The following TP63 variants were observed in gnomAD, a reference collection of about 807,000 sequenced individuals.
TP63 encodes the protein tumor protein 63.
In TP63, 17 loss-of-function variants were observed where a neutral mutation model predicts 82.8. That is an observed-to-expected ratio of 0.21 (90% CI 0.14 to 0.31). The LOEUF (loss-of-function observed/expected upper bound fraction) is 0.31. Ranked by LOEUF, TP63 falls within the 10% of genes least tolerant of loss-of-function variation. The pLI, the probability that TP63 is intolerant of heterozygous loss-of-function variation, is 1.00. For synonymous variants in TP63, 330 were observed against 321.7 expected (o/e 1.03, Z -0.28); for missense variants, 648 against 895.3 (o/e 0.72, Z 3.52).
the TP63 span, among the ~76,000 whole-genome samples, chr3:189,610,790 A>T: frequency 1.3e-5 from 2 of 152,176 alleles, no homozygotes; most frequent in South Asian, 4.1e-4. Context: ...ATAAAGACAT[A>T]CCCTAGGCTG....
chr3:189,854,706 A>G (rs1378904650), intron 4 of TP63, among the ~76,000 whole-genome samples: 5 of 152,254 alleles, frequency 3.3e-5, no homozygotes, highest in African/African-American at 9.6e-5. Context: ...AGCTGTGGCT[A>G]TATCTTGCTA....
intron 1 of TP63, among the ~76,000 whole-genome samples, chr3:189,724,343 A>G (rs892338713): frequency 6.6e-6 from 1 of 152,114 alleles, no homozygotes; most frequent in Admixed American, 6.5e-5. Context: ...ATTTATTTTC[A>G]TAGGTTATTG....
chr3:189,738,538 G>C, intron 2 of TP63, 104 bp from the exon 3 acceptor site: 1 of 1,549,280 alleles, frequency 6.5e-7, no homozygotes, highest in Middle Eastern at 1.7e-4. Context: ...AAACCAATGA[G>C]CCTTGCTGAC....
chr3:189,831,131 G>A (rs1712268872), intron 4 of TP63, among the ~76,000 whole-genome samples: 1 of 152,140 alleles, frequency 6.6e-6, no homozygotes, highest in Non-Finnish European at 1.5e-5. Flanking sequence ...AACCCATAGG[G>A]GTTCAGAGTC....
chr3:189,880,354 A>G, intron 10 of TP63: 3 of 1,266,742 alleles, frequency 2.4e-6, no homozygotes, highest in Non-Finnish European at 2.0e-6. Flanking sequence ...AATCTTTTGA[A>G]GGGACTCAAA....
At chr3:189,722,084 A>C (rs967242629) in intron 1 of TP63, among the ~76,000 whole-genome samples, 1 of 152,160 alleles carries the variant, frequency 6.6e-6, no homozygotes, top group Non-Finnish European at 1.5e-5. Flanking sequence ...TTAAGAGGAG[A>C]GTAGGAAAGG....
intron 1 of TP63, among the ~76,000 whole-genome samples, chr3:189,684,739 T>G (rs766329149): frequency 2.0e-5 from 3 of 151,618 alleles, no homozygotes; most frequent in Non-Finnish European, 4.4e-5. Context: ...CAAGCGATTC[T>G]CATGCCTCAG....
intron 1 of TP63, among the ~76,000 whole-genome samples, chr3:189,701,242 T>G (rs1002590405): frequency 6.6e-6 from 1 of 152,046 alleles, no homozygotes; most frequent in Non-Finnish European, 1.5e-5. Flanking sequence ...CAGTACGTGC[T>G]CCTCAAGAAT....
At chr3:189,864,541 C>CTTTTTT (rs10714778) in intron 5 of TP63, 123 bp downstream of exon 5, 6 of 215,482 alleles carry the variant, frequency 2.8e-5, no homozygotes, top group Non-Finnish European at 4.6e-5. Flanking sequence ...ATCAGTCTGC[C>CTTTTTT]TTTTTTTTTT....
chr3:189,680,857 G>A (rs549011566), intron 1 of TP63, among the ~76,000 whole-genome samples: 103 of 152,260 alleles, frequency 6.8e-4, no homozygotes, highest in Non-Finnish European at 1.1e-3. Context: ...GTTTACATTA[G>A]CTAGCCTGAT....
chr3:189,697,747 G>A (rs1162283905), intron 1 of TP63, among the ~76,000 whole-genome samples: 2 of 151,794 alleles, frequency 1.3e-5, no homozygotes, highest in Non-Finnish European at 2.9e-5. Flanking sequence ...ATACTTTTCT[G>A]CATATAGATC....
intron 1 of TP63, among the ~76,000 whole-genome samples, chr3:189,670,267 A>G (rs980686621): frequency 2.0e-5 from 3 of 152,062 alleles, no homozygotes; most frequent in African/African-American, 7.2e-5. Context: ...TGATAGAAAA[A>G]TTGAGTTCAG....
chr3:189,815,698 T>C (rs570465269), intron 4 of TP63, among the ~76,000 whole-genome samples: 1 of 152,204 alleles, frequency 6.6e-6, no homozygotes, highest in Admixed American at 6.5e-5. Flanking sequence ...GTGTTAATGG[T>C]AACAAGGGGA....
At chr3:189,779,655 G>A (rs1337354149) in intron 3 of TP63, among the ~76,000 whole-genome samples, 4 of 152,314 alleles carry the variant, frequency 2.6e-5, no homozygotes, top group African/African-American at 9.6e-5. Context: ...TAGCACAGGG[G>A]AGCATGAAGT....
At chr3:189,877,906 G>A (rs1719415269) in intron 10 of TP63, among the ~76,000 whole-genome samples, 1 of 151,864 alleles carries the variant, frequency 6.6e-6, no homozygotes, top group Admixed American at 6.6e-5. Flanking sequence ...TTTAGAGATG[G>A]GGTCTAGCTA....
chr3:189,601,162 G>C, the TP63 span, among the ~76,000 whole-genome samples: 4 of 152,166 alleles, frequency 2.6e-5, no homozygotes, highest in Non-Finnish European at 5.9e-5. Context: ...TTGTATGACT[G>C]TTCTTGGACT....
intron 1 of TP63, among the ~76,000 whole-genome samples, chr3:189,653,217 G>C (rs1428126016): frequency 6.6e-6 from 1 of 152,054 alleles, no homozygotes; most frequent in Non-Finnish European, 1.5e-5. Context: ...CATGTTCTTG[G>C]TCCAGAACAT....
chr3:189,819,388 C>T (rs1004050750), intron 4 of TP63, among the ~76,000 whole-genome samples: 6 of 151,942 alleles, frequency 3.9e-5, no homozygotes, highest in Admixed American at 3.9e-4. Flanking sequence ...TGGTGTGCTG[C>T]ACCCATTAAC....
chr3:189,758,568 G>T (rs1287194902), intron 3 of TP63, among the ~76,000 whole-genome samples: 1 of 152,186 alleles, frequency 6.6e-6, no homozygotes, highest in Non-Finnish European at 1.5e-5. Context: ...CACCTGCTTG[G>T]CTTCTTCCAA....
Sources: allele counts gnomAD v4.1 joint callset (sites outside exome capture counted in the v4.1 genomes callset), GRCh38; gene constraint gnomAD v4.1.1; transcripts MANE v1.5; gene names NCBI Gene and HGNC (gene_info 2026-07-23, HGNC 2026-07-21).